The following DDX31 variants were observed in gnomAD, a reference collection of about 807,000 sequenced individuals.
DDX31 encodes ATP-dependent DNA helicase DDX31.
In DDX31, 70 loss-of-function variants were observed where a neutral mutation model predicts 91.3. That is an observed-to-expected ratio of 0.77 (90% CI 0.63 to 0.94). The LOEUF (loss-of-function observed/expected upper bound fraction) is 0.94. Ranked by LOEUF, DDX31 falls within the 40% of genes least tolerant of loss-of-function variation. The pLI is 0.00. For synonymous variants in DDX31, 362 were observed against 350.6 expected, an observed-to-expected ratio of 1.03 and a Z score of -0.36; for missense variants, 902 against 925.0, an observed-to-expected ratio of 0.98 and a Z score of 0.32.
chr9:132,602,956 G>A (rs959748644), intron 19 of DDX31, among the ~76,000 whole-genome samples: 64 of 152,308 alleles, frequency 4.2e-4, no homozygotes, highest in African/African-American at 1.3e-3. Flanking sequence ...CGGGGCAGGC[G>A]AGAAAGCGGA....
At chr9:132,650,185 G>A in intron 9 of DDX31, 49 bp downstream of exon 9, 3 of 1,569,154 alleles carry the variant, frequency 1.9e-6, no homozygotes, top group Non-Finnish European at 2.6e-6. Context: ...TGAATAGGAA[G>A]GCAGGACACA....
At chr9:132,652,784 G>A (rs927897100) in intron 6 of DDX31, among the ~76,000 whole-genome samples, 1 of 152,132 alleles carries the variant, frequency 6.6e-6, no homozygotes. Flanking sequence ...TAAGTCTCAC[G>A]AGATCTGATG....
Position 132,595,498 on chromosome 9 carries a change from G to A in DDX31, c.1995-386C>T, listed in dbSNP as rs1020064985. ...CATGAAGCAGTGAAAGCTCACGGCAGCTTCCCAGTAACCCCTAAGCAGCTT... is the reference window on the plus strand; with the variant it reads ...CATGAAGCAGTGAAAGCTCACGGCAACTTCCCAGTAACCCCTAAGCAGCTT... On this transcript the variant is annotated intron_variant, in intron 19 of 19. Coordinates refer to ENST00000372159, the MANE Select transcript of DDX31 (RefSeq NM_022779.9). This position sits in a 1 kb window ranked among gnomAD's most constrained non-coding sequence, Gnocchi z 4.6. Among the ~76,000 whole-genome samples, 1 of 152,180 alleles carries A rather than the reference G, an allele frequency of 6.6e-6. No homozygotes were observed. Among genetic ancestry groups the A allele is most frequent in the African/African-American group, 2.4e-5 (1 of 41,444 alleles).
chr9:132,643,795 C>A (rs1470741477), intron 13 of DDX31, among the ~76,000 whole-genome samples: 4 of 151,998 alleles, frequency 2.6e-5, no homozygotes, highest in African/African-American at 9.7e-5. Flanking sequence ...GTCTGCTGCA[C>A]GGTCTTTATA....
chr9:132,666,771 A>C (rs1835339900), intron 1 of DDX31, among the ~76,000 whole-genome samples: 1 of 150,420 alleles, frequency 6.6e-6, no homozygotes, highest in Admixed American at 6.6e-5. Flanking sequence ...CAGTGGCGCA[A>C]TCTCGGCTCA....
At chr9:132,626,692 A>C (rs2130628873) in intron 16 of DDX31, among the ~76,000 whole-genome samples, 1 of 151,704 alleles carries the variant, frequency 6.6e-6, no homozygotes, top group East Asian at 1.9e-4. Context: ...GCAACCTCTT[A>C]GGTGGGAGAA....
intron 6 of DDX31, among the ~76,000 whole-genome samples, chr9:132,656,918 ATT>A (rs1373028388): frequency 6.6e-6 from 1 of 152,136 alleles, no homozygotes; most frequent in Non-Finnish European, 1.5e-5. Context: ...CTTTACACAA[ATT>A]CTCTCACCGT....
intron 1 of DDX31, among the ~76,000 whole-genome samples, chr9:132,663,895 C>T (rs1284943109): frequency 1.3e-5 from 2 of 152,140 alleles, no homozygotes; most frequent in South Asian, 4.1e-4. Context: ...GAGATGAAAT[C>T]AAGTTTCAGG....
At chr9:132,652,058 A>G (rs1834222310) in intron 7 of DDX31, among the ~76,000 whole-genome samples, 2 of 152,228 alleles carry the variant, frequency 1.3e-5, no homozygotes, top group Admixed American at 1.3e-4. Flanking sequence ...ACTTTTAGGA[A>G]CAAGTAACAT....
intron 16 of DDX31, among the ~76,000 whole-genome samples, chr9:132,629,582 AGCACTGTACTT>A (rs1311730670): frequency 2.6e-5 from 4 of 152,200 alleles, no homozygotes; most frequent in African/African-American, 9.7e-5. Context: ...GCTTTTTTCT[AGCACTGTACTT>A]TAGGGGAGAA....
chr9:132,619,027 T>C (rs1340420680), intron 17 of DDX31, among the ~76,000 whole-genome samples: 2 of 152,156 alleles, frequency 1.3e-5, no homozygotes, highest in Non-Finnish European at 2.9e-5. Flanking sequence ...TATTAAGGAG[T>C]GAGTGGGCTG....
chr9:132,654,945 CAA>C (rs140953433), intron 6 of DDX31, among the ~76,000 whole-genome samples: 13 of 90,212 alleles, frequency 1.4e-4, no homozygotes, highest in Non-Finnish European at 1.5e-4. Context: ...GACTCTGTCT[CAA>C]AAAAAAAAAA....
At chr9:132,663,807 A>T (rs1418209218) in intron 1 of DDX31, among the ~76,000 whole-genome samples, 1 of 152,248 alleles carries the variant, frequency 6.6e-6, no homozygotes, top group Non-Finnish European at 1.5e-5. Flanking sequence ...ATATTAATAA[A>T]GTAAAAACGG....
chr9:132,620,136 G>A (rs181216383), intron 17 of DDX31, among the ~76,000 whole-genome samples: 67 of 152,034 alleles, frequency 4.4e-4, no homozygotes, highest in African/African-American at 1.1e-3. Context: ...AGCCCTCTCC[G>A]AATCCCTCTG....
chr9:132,641,917 C>A, intron 14 of DDX31, 87 bp downstream of exon 14: 1 of 1,424,000 alleles, frequency 7.0e-7, no homozygotes, highest in Non-Finnish European at 9.9e-7. Context: ...TAGGACTGAC[C>A]ACAGGACAAA....
intron 14 of DDX31, among the ~76,000 whole-genome samples, chr9:132,635,748 C>A (rs897517928): frequency 1.3e-5 from 2 of 151,746 alleles, no homozygotes; most frequent in African/African-American, 2.4e-5. Flanking sequence ...GAGTTCGAGA[C>A]CAGCTTGACC....
At chr9:132,639,182 C>T (rs765681658) in intron 14 of DDX31, among the ~76,000 whole-genome samples, 1 of 152,132 alleles carries the variant, frequency 6.6e-6, no homozygotes, top group Non-Finnish European at 1.5e-5. Flanking sequence ...ACTCGCCCCG[C>T]AGCTCTCATA....
At position 132,638,997 on chromosome 9, in the gene DDX31, AAAG is replaced by A. The variant is rs1381522356; in HGVS notation, c.1440+3004_1440+3006del. Among the ~76,000 whole-genome samples, 6 of 152,296 alleles carry A rather than the reference AAAG, an allele frequency of 3.9e-5. No homozygotes were observed. In the East Asian group the frequency reaches 1.2e-3, roughly 29 times the overall value. ...TTAACAGCACGATTCTTCTTTATCA[AAAG>A]AAGCCAGTTCTCCATCTGTCTCGTC... On this transcript the variant is annotated intron_variant, in intron 14 of 19. Coordinates refer to ENST00000372159, the MANE Select transcript of DDX31 (RefSeq NM_022779.9).
chr9:132,628,683 G>A (rs1347353006), intron 16 of DDX31, among the ~76,000 whole-genome samples: 2 of 152,208 alleles, frequency 1.3e-5, no homozygotes, highest in Non-Finnish European at 2.9e-5. Context: ...ATTTTTCTTA[G>A]GAAGAGGTCA....
Sources: allele counts gnomAD v4.1 joint callset (sites outside exome capture counted in the v4.1 genomes callset), GRCh38; gene constraint gnomAD v4.1.1; non-coding constraint Gnocchi (gnomAD v3.1); transcripts MANE v1.5; gene names NCBI Gene and HGNC (gene_info 2026-07-23, HGNC 2026-07-21).